Variants in SNX25 observed in about 807,000 individuals in gnomAD.
SNX25 encodes sorting nexin 25.
In SNX25, 62 loss-of-function variants were observed where a neutral mutation model predicts 113.7. That is an observed-to-expected ratio of 0.55 (90% CI 0.44 to 0.67). The LOEUF (loss-of-function observed/expected upper bound fraction) is 0.67, where lower values mean the gene tolerates loss of function less well. Ranked by LOEUF, SNX25 falls within the 30% of genes least tolerant of loss-of-function variation. SNX25 has a pLI of 0.00. For missense variants in SNX25, 1,014 were observed against 1,161.0 expected, an observed-to-expected ratio of 0.87 and a Z score of 1.84; for synonymous variants, 421 against 436.2, an observed-to-expected ratio of 0.97 and a Z score of 0.43.
intron 10 of SNX25, among the ~76,000 whole-genome samples, chr4:185,333,326 A>G (rs958068989): frequency 1.3e-5 from 2 of 152,196 alleles, no homozygotes; most frequent in African/African-American, 4.8e-5. Context: ...ATGCTCTTTG[A>G]TCTGCCAGAT....
intron 3 of SNX25, among the ~76,000 whole-genome samples, 157 bp from the exon 4 acceptor site, chr4:185,264,281 T>G (rs1467494896): frequency 2.0e-5 from 3 of 152,236 alleles, no homozygotes; most frequent in African/African-American, 7.2e-5. Context: ...TAGCAAAAGT[T>G]TTCCAGATGA....
At position 185,247,603 on chromosome 4, in the gene SNX25, C is replaced by T. The variant is rs149543738; in HGVS notation, c.514+225C>T. ...AATTTCCAGATCATGTGAAACTAGC[C>T]AGCCATGTAGAGCTAGTTCCATCAT... On this transcript the variant is annotated intron_variant, in intron 2 of 18. Transcript: ENST00000652585. 1.6e-3 allele frequency among the ~76,000 whole-genome samples: 240 copies of T among 152,262 alleles called. 2 individuals carry two copies. Among genetic ancestry groups the T allele is most frequent in the Middle Eastern group, 3.4e-3 (1 of 294 alleles).
At chr4:185,352,439 C>G (rs1302699692) in intron 14 of SNX25, among the ~76,000 whole-genome samples, 7 of 152,182 alleles carry the variant, frequency 4.6e-5, no homozygotes, top group African/African-American at 1.7e-4. Context: ...CAGAGCACAC[C>G]CACACCTGCT....
chr4:185,238,892 A>G (rs1197576062), intron 1 of SNX25, among the ~76,000 whole-genome samples: 1 of 152,184 alleles, frequency 6.6e-6, no homozygotes, highest in Non-Finnish European at 1.5e-5. Flanking sequence ...CCTGGCTCCC[A>G]GTGAGCAGTG....
At chr4:185,266,052 C>T (rs1418818752) in intron 4 of SNX25, among the ~76,000 whole-genome samples, 2 of 152,192 alleles carry the variant, frequency 1.3e-5, no homozygotes, top group African/African-American at 2.4e-5. Flanking sequence ...TTCCCTATCT[C>T]AGTCTCAGAC....
At chr4:185,307,225 G>C (rs1032301080) in intron 6 of SNX25, among the ~76,000 whole-genome samples, 3 of 152,198 alleles carry the variant, frequency 2.0e-5, no homozygotes, top group Admixed American at 2.0e-4. Context: ...CCATCCTAGG[G>C]AACCGGATGG....
chr4:185,352,762 C>T (rs1294628404), intron 14 of SNX25, among the ~76,000 whole-genome samples: 1 of 152,160 alleles, frequency 6.6e-6, no homozygotes, highest in Admixed American at 6.5e-5. Context: ...AAGTATCTCC[C>T]AAAGACCTGC....
chr4:185,262,220 C>T (rs551910946), intron 3 of SNX25, among the ~76,000 whole-genome samples: 137 of 152,258 alleles, frequency 9.0e-4, no homozygotes, highest in African/African-American at 2.9e-3. Context: ...GGCAGCTTTC[C>T]GGTCAGCCTG....
upstream of SNX25, among the ~76,000 whole-genome samples, chr4:185,208,733 GAAAA>G (rs1579287155): frequency 6.7e-6 from 1 of 148,888 alleles, no homozygotes; most frequent in East Asian, 2.0e-4. Flanking sequence ...CAAAAAAAAA[GAAAA>G]AAAGAAAGAA....
chr4:185,378,109 T>A, the SNX25 span: 4 of 1,613,406 alleles, frequency 2.5e-6, no homozygotes, highest in Non-Finnish European at 2.5e-6. Flanking sequence ...ACTGGAAAAA[T>A]TTTTGGTTTT....
intron 1 of SNX25, among the ~76,000 whole-genome samples, chr4:185,228,745 ACAT>A (rs1402842536): frequency 2.6e-5 from 4 of 152,166 alleles, no homozygotes; most frequent in Non-Finnish European, 5.9e-5. Context: ...TTTGGAAAAA[ACAT>A]CATTGGAGAG....
At chr4:185,257,142 G>T (rs1746566864) in intron 2 of SNX25, among the ~76,000 whole-genome samples, 1 of 141,056 alleles carries the variant, frequency 7.1e-6, no homozygotes, top group African/African-American at 2.7e-5. Context: ...AATGACATCT[G>T]CAATTAAGCC....
chr4:185,323,692 A>G lies in SNX25; in HGVS notation c.1641A>G (p.Leu547=), dbSNP rs2095136548. ...TCCAGGAAGATGTTTATGAGACCCTAAAGGATAGGTATTACCCTTCATTTA... is the reference window on the plus strand; with the variant it reads ...TCCAGGAAGATGTTTATGAGACCCTGAAGGATAGGTATTACCCTTCATTTA... ...YKIQEDVYET[L]KDRYYPSFIV... is the part of the protein sequence containing the mutation. The change falls in exon 9 of 19, where the codon CTA becomes CTG. Residue 547 remains leucine, a synonymous_variant. Transcript: ENST00000652585. 2 of 1,613,578 alleles carry G rather than the reference A, an allele frequency of 1.2e-6. No individual in the cohort carries two copies. The highest frequency in any genetic ancestry group is 1.3e-5 in the African/African-American group (1 of 74,920).
chr4:185,309,599 T>C (rs78373022), intron 6 of SNX25, among the ~76,000 whole-genome samples: 611 of 152,248 alleles, frequency 4.0e-3, no homozygotes, highest in African/African-American at 0.014. Flanking sequence ...TGATACCTTT[T>C]AATTCCTCGG....
chr4:185,282,956 G>A (rs966975603), intron 5 of SNX25, among the ~76,000 whole-genome samples: 8 of 152,210 alleles, frequency 5.3e-5, no homozygotes, highest in Middle Eastern at 3.2e-3. Context: ...GCATTTGGAT[G>A]TGTTTGGATG....
chr4:185,311,009 T>G (rs917012227), intron 7 of SNX25, among the ~76,000 whole-genome samples, 193 bp downstream of exon 7: 1 of 152,126 alleles, frequency 6.6e-6, no homozygotes, highest in African/African-American at 2.4e-5. Flanking sequence ...GTAATAGGTA[T>G]AGATAGGCCT....
chr4:185,362,202 T>A, intron 17 of SNX25, 97 bp downstream of exon 17: 1 of 1,425,556 alleles, frequency 7.0e-7, no homozygotes, highest in African/African-American at 1.4e-5. Flanking sequence ...GAAACATTCT[T>A]TACAATGAAA....
chr4:185,362,598 C>G lies in SNX25; in HGVS notation c.2834-13C>G. 1 of 1,612,574 alleles carries G rather than the reference C, an allele frequency of 6.2e-7. No homozygotes were observed. Among genetic ancestry groups the G allele is most frequent in the Non-Finnish European group, 8.5e-7 (1 of 1,178,666 alleles). ...TATCAATAGCAGCATAGAATCTACA[C>G]TTAATTTTTCAGATATGCTTCAGAG... On this transcript the variant is annotated splice_polypyrimidine_tract_variant and intron_variant, in intron 17 of 18. Coordinates refer to ENST00000652585, the MANE Select transcript of SNX25 (RefSeq NM_001378034.2).
At chr4:185,257,380 T>C (rs917550326) in intron 2 of SNX25, among the ~76,000 whole-genome samples, 7 of 152,114 alleles carry the variant, frequency 4.6e-5, no homozygotes, top group African/African-American at 9.7e-5. Context: ...TCTTTCTAAA[T>C]AGGCTTTAGA....
Sources: gnomAD v4.1 joint callset for allele counts (sites outside exome capture counted in the v4.1 genomes callset) on GRCh38, gnomAD v4.1.1 for gene constraint, MANE v1.5 for transcripts, NCBI Gene and HGNC (gene_info 2026-07-23, HGNC 2026-07-21) for gene names.